GET3: variants seen among roughly 807,000 people sequenced by gnomAD.
The protein encoded by GET3 is ATPase GET3.
A neutral mutation model predicts 32.4 loss-of-function variants in GET3; 15 were observed. The ratio of observed to expected loss-of-function variants is 0.46; its 90% confidence interval spans 0.31 to 0.71. The LOEUF (loss-of-function observed/expected upper bound fraction) is 0.71, where lower values mean the gene tolerates loss of function less well. Ranked by LOEUF, GET3 falls within the 30% of genes least tolerant of loss-of-function variation. The probability of loss-of-function intolerance (pLI) is 0.05; values close to 1 mark genes in which losing one functional copy is unlikely to be tolerated. For missense variants in GET3, 333 were observed against 459.0 expected (o/e 0.73, Z 2.51); for synonymous variants, 198 against 185.6 (o/e 1.07, Z -0.54).
At position 12,745,810 on chromosome 19, in the gene GET3, G is replaced by A; in HGVS notation, c.609+51G>A. On this transcript the variant is annotated intron_variant, in intron 4 of 6. Coordinates refer to ENST00000357332, the MANE Select transcript of GET3 (RefSeq NM_004317.4). This position sits in a 1 kb window ranked among gnomAD's most constrained non-coding sequence, Gnocchi z 5.0. The stretch of plus-strand genomic sequence containing the variant: ...ACCATCCAGGCAGCCGGGAGTGGGA[G>A]TAGGCCCGGGCCCCCAGACCCTCAA... The A allele has an allele frequency of 6.4e-7, 1 of 1,551,666 alleles. No homozygotes were observed. Among genetic ancestry groups the A allele is most frequent in the Non-Finnish European group, 8.7e-7 (1 of 1,153,908 alleles).
upstream of GET3, chr19:12,737,485 A>C (rs1967590678): frequency 1.3e-6 from 2 of 1,496,826 alleles, no homozygotes; most frequent in South Asian, 2.6e-5. Context: ...GCTCCGCTGG[A>C]TCACGTGAGC....
At chr19:12,742,680 C>T (rs1967692714) in intron 2 of GET3, among the ~76,000 whole-genome samples, 2 of 152,120 alleles carry the variant, frequency 1.3e-5, no homozygotes, top group Middle Eastern at 3.4e-3. Context: ...TCCCAAAGTG[C>T]TGGGATTACA....
In GET3 at chr19:12,745,421, C is replaced by T. The variant is rs772488602; in HGVS notation, c.354C>T (p.Phe118=). The T allele has an allele frequency of 3.7e-6, 6 of 1,612,536 alleles. No individual in the cohort carries two copies. In the Admixed American group the frequency reaches 5.0e-5, roughly 13 times the overall value. Residue 118 remains phenylalanine, a synonymous_variant, in exon 3 of 7, where the codon TTC becomes TTT. Coordinates refer to ENST00000357332, the MANE Select transcript of GET3 (RefSeq NM_004317.4). The surrounding 1 kb of genome is among the most constrained non-coding windows in gnomAD (Gnocchi z 5.0). Reference sequence around the variant, plus strand: ...GCGTGGCGGAGCTGCCTGACGAGTTCTTCGAGGAGGACAACATGCTGAGCA... The same window carrying T: ...GCGTGGCGGAGCTGCCTGACGAGTTTTTCGAGGAGGACAACATGCTGAGCA... The part of the protein sequence containing the change: ...SLGVAELPDE[F]FEEDNMLSMG...
chr19:12,742,051 G>T (rs1967680026), intron 2 of GET3, among the ~76,000 whole-genome samples: 1 of 152,084 alleles, frequency 6.6e-6, no homozygotes, highest in African/African-American at 2.4e-5. Flanking sequence ...GATCACGTGA[G>T]GTCAGGAGTT....
At position 12,747,319 on chromosome 19, in the gene GET3, G is replaced by A. The variant is rs1490269102; in HGVS notation, c.717+15G>A. 6.2e-7 allele frequency: 1 copy of A among 1,609,296 alleles called. No homozygotes were observed. The highest frequency in any genetic ancestry group is 8.5e-7 in the Non-Finnish European group (1 of 1,176,442). On this transcript the variant is annotated intron_variant, in intron 5 of 6. Transcript: ENST00000357332. The surrounding 1 kb of genome is among the most constrained non-coding windows in gnomAD (Gnocchi z 4.0). ...TCAAGGACCCTGTGAGTGGTGGTCT[G>A]GCTGGCGGTGAGAGGCCCGGGGGCT...
At chr19:12,742,061 T>TC (rs2145688564) in intron 2 of GET3, among the ~76,000 whole-genome samples, 1 of 152,032 alleles carries the variant, frequency 6.6e-6, no homozygotes, top group African/African-American at 2.4e-5. Context: ...GGTCAGGAGT[T>TC]CAAGACCAGC....
chr19:12,747,490 C>T lies in GET3; in HGVS notation c.813C>T (p.Asp271=). The T allele has an allele frequency of 1.2e-6, 2 of 1,614,096 alleles. No homozygotes were observed. Among genetic ancestry groups the T allele is most frequent in the South Asian group, 1.1e-5 (1 of 91,082 alleles). Residue 271 remains aspartate (D), a synonymous_variant, in exon 6 of 7, where the codon GAC becomes GAT. Transcript: ENST00000357332. This position sits in a 1 kb window ranked among gnomAD's most constrained non-coding sequence, Gnocchi z 4.0. ...AGGAGCTGGCCAAGTGCAAGATTGA[C>T]ACACACAATATAATTGTCAACCAGC... is the stretch of plus-strand genomic sequence containing the variant. ...LIQELAKCKI[D]THNIIVNQLV...
At chr19:12,737,125 G>T (rs1967582712), upstream of GET3, 1 of 166,346 alleles carries the variant, frequency 6.0e-6, no homozygotes, top group Non-Finnish European at 1.3e-5. Flanking sequence ...TCACCGAAAG[G>T]GCATGGACTG....
chr19:12,738,419 A>G, intron 1 of GET3, 92 bp from the exon 2 acceptor site: 10 of 1,532,520 alleles, frequency 6.5e-6, no homozygotes, highest in Non-Finnish European at 6.2e-6. Flanking sequence ...GATTCGGGTC[A>G]CCTGCTCCAG....
upstream of GET3, chr19:12,737,481 C>A: frequency 6.7e-7 from 1 of 1,490,156 alleles, no homozygotes; most frequent in Non-Finnish European, 8.9e-7. Context: ...GTGCGCTCCG[C>A]TGGATCACGT....
Position 12,737,572 on chromosome 19 carries a change from C to G in GET3, c.67C>G (p.Pro23Ala), listed in dbSNP as rs1967595980. The change falls in exon 1 of 7, where the codon CCG (proline) becomes GCG (alanine). Residue 23 changes from proline (P) to alanine (A), a missense_variant. Coordinates refer to ENST00000357332, the MANE Select transcript of GET3 (RefSeq NM_004317.4). ...GTTCGAAGATGCTCCTGATGTGGAG[C>G]CGCTGGAGCCTACACTTAGCAACAT... ...EEFEDAPDVE[P>A]LEPTLSNIIE... is the part of the protein sequence containing the mutation. 6.2e-7 allele frequency: 1 copy of G among 1,610,582 alleles called. No individual in the cohort carries two copies. The highest frequency in any genetic ancestry group is 8.5e-7 in the Non-Finnish European group (1 of 1,178,780).
chr19:12,745,601 C>G lies in GET3; in HGVS notation c.459-8C>G. 6.2e-7 allele frequency: 1 copy of G among 1,612,602 alleles called. No homozygotes were observed. The highest frequency in any genetic ancestry group is 8.5e-7 in the Non-Finnish European group (1 of 1,179,932). ...GACACAGAGGGCCTGACCCCTGTCT[C>G]CCCTCAGGCTGGTGAAGGGCATGAA... On this transcript the variant is annotated splice_polypyrimidine_tract_variant and splice_region_variant and intron_variant, in intron 3 of 6. Transcript: ENST00000357332. This position sits in a 1 kb window ranked among gnomAD's most constrained non-coding sequence, Gnocchi z 5.0.
chr19:12,747,614 T>G lies in GET3; in HGVS notation c.915+22T>G, dbSNP rs775074334. On this transcript the variant is annotated intron_variant, in intron 6 of 6. Transcript: ENST00000357332. The surrounding 1 kb of genome is among the most constrained non-coding windows in gnomAD (Gnocchi z 4.0). ...CCAGGTGTGCCCACCCACCCAGCAC[T>G]GGCTCAGCAGAGGCACCTCTGCCCC... 1.6e-4 allele frequency: 256 copies of G among 1,608,884 alleles called. No individual in the cohort carries two copies. Among genetic ancestry groups the G allele is most frequent in the Non-Finnish European group, 2.1e-4 (253 of 1,178,474 alleles).
rs1967749336 is a variant in GET3 at position 12,745,304 on chromosome 19, CT to C, written c.310-72del. 17 of 1,565,094 alleles carry C rather than the reference CT, an allele frequency of 1.1e-5. No individual in the cohort carries two copies. The highest frequency in any genetic ancestry group is 1.5e-5 in the Non-Finnish European group (17 of 1,157,730). ...CTGTGCCCGGGTAGGAAGGCTCCCCCTGGCCCTGTGCCCAGGTGGGAAGGCT... is the reference window on the plus strand; with the variant it reads ...CTGTGCCCGGGTAGGAAGGCTCCCCCGGCCCTGTGCCCAGGTGGGAAGGCT... On this transcript the variant is annotated intron_variant, in intron 2 of 6. Transcript: ENST00000357332. This position sits in a 1 kb window ranked among gnomAD's most constrained non-coding sequence, Gnocchi z 5.0.
intron 2 of GET3, among the ~76,000 whole-genome samples, chr19:12,744,722 G>A (rs1967738107): frequency 6.6e-6 from 1 of 152,224 alleles, no homozygotes; most frequent in Non-Finnish European, 1.5e-5. Flanking sequence ...CCCCTGAGGG[G>A]CAGACATTCC....
chr19:12,742,436 A>T (rs1460562506), intron 2 of GET3, among the ~76,000 whole-genome samples: 5 of 150,402 alleles, frequency 3.3e-5, no homozygotes, highest in African/African-American at 1.2e-4. Flanking sequence ...TTGTTTTGAG[A>T]CGGAGTCTTA....
chr19:12,738,808 C>A, intron 2 of GET3, 150 bp downstream of exon 2: 1 of 1,130,486 alleles, frequency 8.8e-7, no homozygotes, highest in Non-Finnish European at 1.2e-6. Flanking sequence ...ACAAGGGAAC[C>A]AATGAGGAAT....
rs8177482 is a variant in GET3, at chr19:12,745,297, G to A, written c.310-80G>A. On this transcript the variant is annotated intron_variant, in intron 2 of 6. Transcript: ENST00000357332. This position sits in a 1 kb window ranked among gnomAD's most constrained non-coding sequence, Gnocchi z 5.0. ...TCTGGCCCTGTGCCCGGGTAGGAAG[G>A]CTCCCCCTGGCCCTGTGCCCAGGTG... 2.6e-6 allele frequency: 4 copies of A among 1,536,752 alleles called. No individual in the cohort carries two copies. The highest frequency in any genetic ancestry group is 3.5e-6 in the Non-Finnish European group (4 of 1,138,574).
At position 12,745,317 on chromosome 19, in the gene GET3, C is replaced by T. The variant is rs1326242816; in HGVS notation, c.310-60C>T. The T allele has an allele frequency of 2.3e-5, 36 of 1,582,998 alleles. No homozygotes were observed. The highest frequency in any genetic ancestry group is 1.7e-4 in the Middle Eastern group (1 of 5,862). On this transcript the variant is annotated intron_variant, in intron 2 of 6. Transcript: ENST00000357332. The surrounding 1 kb of genome is among the most constrained non-coding windows in gnomAD (Gnocchi z 5.0). ...GGAAGGCTCCCCCTGGCCCTGTGCC[C>T]AGGTGGGAAGGCTCCCCCAGCAGTA...
Sources: allele counts gnomAD v4.1 joint callset (sites outside exome capture counted in the v4.1 genomes callset), GRCh38; gene constraint gnomAD v4.1.1; non-coding constraint Gnocchi (gnomAD v3.1); transcripts MANE v1.5; gene names NCBI Gene and HGNC (gene_info 2026-07-23, HGNC 2026-07-21).